Variants in RIC1 observed in about 807,000 individuals in gnomAD.
The protein encoded by RIC1 is guanine nucleotide exchange factor subunit RIC1.
RIC1 carries 88 observed loss-of-function variants against 169.0 expected under a neutral mutation model. The observed-to-expected ratio is 0.52, with a 90% CI of 0.44 to 0.62. The LOEUF is 0.62. Ranked by LOEUF, RIC1 falls within the 20% of genes least tolerant of loss-of-function variation. The pLI is 0.00. For missense variants in RIC1, 1,877 were observed against 1,725.5 expected (o/e 1.09, Z -1.56); for synonymous variants, 790 against 601.5 (o/e 1.31, Z -4.59).
At chr9:5,676,552 T>C (rs1481479480) in intron 2 of RIC1, among the ~76,000 whole-genome samples, 2 of 152,180 alleles carry the variant, frequency 1.3e-5, no homozygotes, top group Non-Finnish European at 2.9e-5. Context: ...CAAGAATACA[T>C]GGCTAATAAT....
intron 4 of RIC1, chr9:5,719,048 T>G (rs949472721): frequency 3.3e-5 from 5 of 152,180 alleles, no homozygotes; most frequent in Non-Finnish European, 5.9e-5. Flanking sequence ...TAATAGTATT[T>G]AATAGGGTAT....
intron 3 of RIC1, among the ~76,000 whole-genome samples, chr9:5,707,783 T>C (rs991787588): frequency 5.9e-5 from 9 of 152,164 alleles, no homozygotes; most frequent in Non-Finnish European, 1.2e-4. Flanking sequence ...AATTTTCTTG[T>C]AGACAGCTTA....
rs766515128 is a variant in RIC1, at chr9:5,754,917, A to G, written c.1679A>G (p.Asp560Gly). 6.5e-7 allele frequency: 1 copy of G among 1,550,258 alleles called. No homozygotes were observed. Among genetic ancestry groups the G allele is most frequent in the South Asian group, 1.3e-5 (1 of 78,330 alleles). ...GTCCTTGCGTGTTATAACATAAATG[A>G]CCGTCAAGAAGAGGTAAGTTTTTTC... ...FMVLACYNIN[D>G]RQEELRVYLR... Residue 560 changes from aspartate to glycine, a missense_variant, in exon 15 of 26, where the codon GAC becomes GGC. Asp to Gly is a moderately conservative substitution (Grantham distance 94). Coordinates refer to ENST00000414202, the MANE Select transcript of RIC1 (RefSeq NM_020829.4).
In RIC1 at chr9:5,629,144, G is replaced by T. The variant is rs914731852; in HGVS notation, c.-166G>T. The stretch of plus-strand genomic sequence containing the variant: ...GTCAGCTTGGGGGTGCCTTCGTCGC[G>T]CAGCCTTGCGTCGGCCCGGCCCGGC... On this transcript the variant is annotated 5_prime_UTR_variant, in exon 1 of 26. Coordinates refer to ENST00000414202, the MANE Select transcript of RIC1 (RefSeq NM_020829.4). 7.5e-6 allele frequency: 4 copies of T among 535,776 alleles called. No homozygotes were observed. The highest frequency in any genetic ancestry group is 4.6e-5 in the Admixed American group (1 of 21,590). 33.2% of individuals were successfully genotyped at this position (535,776 alleles called of 1,614,324 possible). A position where few individuals can be genotyped will look rare whatever the true frequency, so the allele number is the denominator to read the frequency against.
At chr9:5,651,290 C>G (rs1818786196) in intron 1 of RIC1, among the ~76,000 whole-genome samples, 1 of 152,128 alleles carries the variant, frequency 6.6e-6, no homozygotes, top group Non-Finnish European at 1.5e-5. Context: ...TTTCCTGTCA[C>G]TTCTCTGCTA....
chr9:5,752,381 C>T (rs1472239470), intron 12 of RIC1, among the ~76,000 whole-genome samples: 1 of 151,510 alleles, frequency 6.6e-6, no homozygotes, highest in East Asian at 1.9e-4. Flanking sequence ...GTGGTTGTAC[C>T]TAAGTAACAG....
chr9:5,713,872 TTAACTC>T lies in RIC1; in HGVS notation c.333-21_333-16del. 1.9e-6 allele frequency: 3 copies of T among 1,544,584 alleles called. No individual in the cohort carries two copies. The highest frequency in any genetic ancestry group is 1.1e-5 in the South Asian group (1 of 88,862). On this transcript the variant is annotated intron_variant, in intron 3 of 25. Transcript: ENST00000414202. ...ATGGAGGCAAATTCAGCATCTTTCT[TTAACTC>T]TATGCTGTTTGTTTTAGAGGAAGTC... is the stretch of plus-strand genomic sequence containing the variant.
intron 3 of RIC1, among the ~76,000 whole-genome samples, chr9:5,711,796 A>T (rs948233713): frequency 1.3e-5 from 2 of 152,040 alleles, no homozygotes; most frequent in Admixed American, 1.3e-4. Flanking sequence ...TCATTGTTCA[A>T]TTCCCACCTA....
intron 2 of RIC1, among the ~76,000 whole-genome samples, chr9:5,684,547 C>G (rs908795123): frequency 2.1e-4 from 32 of 151,892 alleles, no homozygotes; most frequent in African/African-American, 6.8e-4. Flanking sequence ...TCTAATTGTT[C>G]TTATTAGTAT....
intron 11 of RIC1, among the ~76,000 whole-genome samples, chr9:5,747,045 A>T (rs1200880944): frequency 6.6e-6 from 1 of 152,202 alleles, no homozygotes; most frequent in Non-Finnish European, 1.5e-5. Flanking sequence ...TTCAATAGTT[A>T]ATGAGTCTAC....
At chr9:5,742,797 TG>T in intron 8 of RIC1, 71 bp from the exon 9 acceptor site, 1 of 798,624 alleles carries the variant, frequency 1.3e-6, no homozygotes, top group East Asian at 3.9e-5. Context: ...AGATTGTATT[TG>T]AAAAAAAAAA....
At chr9:5,729,741 G>A (rs148245644) in intron 6 of RIC1, among the ~76,000 whole-genome samples, 2,457 of 151,664 alleles carry the variant, frequency 0.016, 28 homozygotes, top group Non-Finnish European at 0.027. Flanking sequence ...ACTATCTTCC[G>A]TTATCAACTT....
At chr9:5,659,902 CAT>C (rs1819346165) in intron 2 of RIC1, among the ~76,000 whole-genome samples, 1 of 152,058 alleles carries the variant, frequency 6.6e-6, no homozygotes, top group South Asian at 2.1e-4. Context: ...CATAGGTAAA[CAT>C]GTGCTATGGT....
intron 1 of RIC1, among the ~76,000 whole-genome samples, chr9:5,639,840 G>A (rs1818151261): frequency 6.6e-6 from 1 of 152,086 alleles, no homozygotes; most frequent in Non-Finnish European, 1.5e-5. Flanking sequence ...GACATTCTTT[G>A]TCTCACAATT....
chr9:5,630,674 A>C (rs1586848570), intron 1 of RIC1, among the ~76,000 whole-genome samples: 1 of 152,350 alleles, frequency 6.6e-6, no homozygotes, highest in East Asian at 1.9e-4. Flanking sequence ...ATCAGAACAA[A>C]ACAAACTTAT....
chr9:5,672,347 G>A (rs989496920), intron 2 of RIC1, among the ~76,000 whole-genome samples: 4 of 152,118 alleles, frequency 2.6e-5, no homozygotes, highest in Admixed American at 6.5e-5. Flanking sequence ...TGAGACAGAA[G>A]AATGTAGTAA....
intron 1 of RIC1, among the ~76,000 whole-genome samples, chr9:5,641,578 A>G (rs1382586143): frequency 1.3e-5 from 2 of 151,406 alleles, no homozygotes; most frequent in Admixed American, 6.6e-5. Flanking sequence ...TTTTCATGCT[A>G]TTTTTTAGGC....
intron 2 of RIC1, among the ~76,000 whole-genome samples, chr9:5,665,446 G>C (rs1819697099): frequency 6.6e-6 from 1 of 152,200 alleles, no homozygotes; most frequent in Non-Finnish European, 1.5e-5. Flanking sequence ...CTGTCATTCA[G>C]CTTTCTCAGC....
intron 3 of RIC1, among the ~76,000 whole-genome samples, chr9:5,702,717 T>C (rs1349314581): frequency 1.3e-5 from 2 of 152,090 alleles, no homozygotes; most frequent in African/African-American, 4.8e-5. Flanking sequence ...TTTTTTTGTG[T>C]GTGTATTTTA....
Sources: gnomAD v4.1 joint callset for allele counts (sites outside exome capture counted in the v4.1 genomes callset) on GRCh38, gnomAD v4.1.1 for gene constraint, MANE v1.5 for transcripts, NCBI Gene and HGNC (gene_info 2026-07-23, HGNC 2026-07-21) for gene names.